XRCC4: variants seen among roughly 807,000 people sequenced by gnomAD.
XRCC4 encodes DNA repair protein XRCC4.
XRCC4 carries 28 observed loss-of-function variants against 39.1 expected under a neutral mutation model. The ratio of observed to expected loss-of-function variants is 0.72; its 90% confidence interval spans 0.53 to 0.98. The LOEUF is 0.98. Among genes scored for constraint, XRCC4 ranks in the 50% least tolerant of loss-of-function variants. The pLI is 0.00. For missense variants in XRCC4, 350 were observed against 376.4 expected (o/e 0.93, Z 0.58); for synonymous variants, 123 against 126.4 (o/e 0.97, Z 0.18).
chr5:83,316,370 A>C (rs1755883051), intron 7 of XRCC4, among the ~76,000 whole-genome samples: 1 of 152,086 alleles, frequency 6.6e-6, no homozygotes, highest in Non-Finnish European at 1.5e-5. Context: ...TTTAAATATA[A>C]ATGGACAAAA....
chr5:83,168,177 G>C (rs114208986), intron 3 of XRCC4, among the ~76,000 whole-genome samples: 2 of 152,214 alleles, frequency 1.3e-5, no homozygotes, highest in Non-Finnish European at 2.9e-5. Context: ...CCTAAGGATT[G>C]TAAACATTGG....
chr5:83,159,732 C>A (rs1208633482), intron 3 of XRCC4, among the ~76,000 whole-genome samples: 1 of 152,150 alleles, frequency 6.6e-6, no homozygotes, highest in Non-Finnish European at 1.5e-5. Context: ...GAATCAAAAT[C>A]TCTTAGCTCA....
chr5:83,090,515 T>C (rs1050526217), intron 1 of XRCC4, among the ~76,000 whole-genome samples: 1 of 152,190 alleles, frequency 6.6e-6, no homozygotes, highest in Non-Finnish European at 1.5e-5. Context: ...CAGGTATGTC[T>C]ATCAGCAGTG....
chr5:83,342,942 T>C (rs1756807143), intron 7 of XRCC4, among the ~76,000 whole-genome samples: 1 of 152,148 alleles, frequency 6.6e-6, no homozygotes. Context: ...TCTGTTAAGG[T>C]CAATCTGATA....
At chr5:83,367,884 C>T in the XRCC4 span, among the ~76,000 whole-genome samples, 5 of 151,888 alleles carry the variant, frequency 3.3e-5, no homozygotes, top group Admixed American at 6.6e-5. Context: ...TGAGCCACTG[C>T]ACCTGGCCTC....
At chr5:83,175,797 C>T (rs1055112962) in intron 3 of XRCC4, among the ~76,000 whole-genome samples, 10 of 152,004 alleles carry the variant, frequency 6.6e-5, no homozygotes, top group East Asian at 3.9e-4. Context: ...TGAGTAGAGA[C>T]GGTGTTTTGC....
chr5:83,280,221 T>C (rs752736040), intron 7 of XRCC4: 3 of 315,876 alleles, frequency 9.5e-6, no homozygotes, highest in Middle Eastern at 1.2e-3. Context: ...CTGATGTATA[T>C]TGCCCCAACA....
At chr5:83,313,706 C>G (rs1371949737) in intron 7 of XRCC4, among the ~76,000 whole-genome samples, 2 of 152,278 alleles carry the variant, frequency 1.3e-5, no homozygotes, top group South Asian at 2.1e-4. Flanking sequence ...CTGGAATACT[C>G]TTTAGATATT....
At chr5:83,271,024 TA>T (rs1754129252) in intron 7 of XRCC4, among the ~76,000 whole-genome samples, 1 of 152,140 alleles carries the variant, frequency 6.6e-6, no homozygotes, top group Admixed American at 6.5e-5. Context: ...TTAGCCCATT[TA>T]ATCAACTACT....
chr5:83,214,085 G>T (rs1751754913), intron 6 of XRCC4, among the ~76,000 whole-genome samples: 1 of 152,070 alleles, frequency 6.6e-6, no homozygotes, highest in Non-Finnish European at 1.5e-5. Flanking sequence ...CTAGGCAAAA[G>T]ACCACAGCTG....
chr5:83,244,285 C>T (rs1753020151), intron 6 of XRCC4, among the ~76,000 whole-genome samples: 1 of 152,004 alleles, frequency 6.6e-6, no homozygotes, highest in Non-Finnish European at 1.5e-5. Context: ...ATTTTGTTGT[C>T]TTTCTTTAAA....
chr5:83,154,054 A>T (rs1216118036), intron 3 of XRCC4, among the ~76,000 whole-genome samples: 2 of 152,200 alleles, frequency 1.3e-5, no homozygotes, highest in Non-Finnish European at 2.9e-5. Flanking sequence ...TTTATCATAC[A>T]GTTAAGGAAA....
At position 83,117,736 on chromosome 5, in the gene XRCC4, ATTAAT is replaced by A. The variant is rs200425230; in HGVS notation, c.315+6541_315+6545del. On this transcript the variant is annotated intron_variant, in intron 3 of 7. Coordinates refer to ENST00000396027, the MANE Select transcript of XRCC4 (RefSeq NM_003401.5). Reference sequence around the variant, plus strand: ...TATAAGGATATGTCTTTTTAAAAAAATTAATTTAATTTTATTTTAAGTTCTGGGAT... The same window carrying A: ...TATAAGGATATGTCTTTTTAAAAAAATTAATTTTATTTTAAGTTCTGGGAT... 8.5e-3 allele frequency among the ~76,000 whole-genome samples: 1,181 copies of A among 138,590 alleles called. 15 individuals carry two copies. Among genetic ancestry groups the A allele is most frequent in the African/African-American group, 0.028 (1,095 of 38,876 alleles). 90.9% of individuals were successfully genotyped at this position (138,590 alleles called of 152,430 possible).
chr5:83,138,631 A>G (rs552778987), intron 3 of XRCC4, among the ~76,000 whole-genome samples: 1 of 152,242 alleles, frequency 6.6e-6, no homozygotes, highest in South Asian at 2.1e-4. Flanking sequence ...TAATTAATGC[A>G]TATTATGTTA....
intron 3 of XRCC4, among the ~76,000 whole-genome samples, chr5:83,166,314 A>G (rs934648183): frequency 2.6e-5 from 4 of 152,166 alleles, no homozygotes; most frequent in African/African-American, 9.7e-5. Flanking sequence ...AGAAAGATTC[A>G]TATTCCTTTG....
intron 7 of XRCC4, among the ~76,000 whole-genome samples, chr5:83,344,153 C>T (rs2112210680): frequency 6.6e-6 from 1 of 151,936 alleles, no homozygotes; most frequent in South Asian, 2.1e-4. Context: ...CACACACACA[C>T]ACACACACTT....
intron 3 of XRCC4, among the ~76,000 whole-genome samples, chr5:83,140,779 G>T (rs938571230): frequency 6.6e-6 from 1 of 151,194 alleles, no homozygotes; most frequent in African/African-American, 2.4e-5. Context: ...TTTCATTTTG[G>T]ATTCATCTCA....
intron 6 of XRCC4, among the ~76,000 whole-genome samples, chr5:83,228,493 T>G: frequency 6.6e-6 from 1 of 152,186 alleles, no homozygotes; most frequent in Middle Eastern, 3.4e-3. Context: ...AGAATTACTA[T>G]TATAAGTTCA....
chr5:83,139,124 A>G (rs1748040428), intron 3 of XRCC4, among the ~76,000 whole-genome samples: 3 of 152,102 alleles, frequency 2.0e-5, no homozygotes, highest in Non-Finnish European at 4.4e-5. Flanking sequence ...CTAGCATACA[A>G]TCCAGTATCC....
Sources: allele counts gnomAD v4.1 joint callset (sites outside exome capture counted in the v4.1 genomes callset), GRCh38; gene constraint gnomAD v4.1.1; transcripts MANE v1.5; gene names NCBI Gene and HGNC (gene_info 2026-07-23, HGNC 2026-07-21).